SNRPN: variants seen among roughly 807,000 people sequenced by gnomAD.
SNRPN encodes small nuclear ribonucleoprotein polypeptide N, also known as small nuclear ribonucleoprotein-associated protein N.
In SNRPN, 7 loss-of-function variants were observed where a neutral mutation model predicts 25.2. That is an observed-to-expected ratio of 0.28 (90% CI 0.16 to 0.52). SNRPN has a LOEUF of 0.52. Among genes scored for constraint, SNRPN ranks in the 20% least tolerant of loss-of-function variants. SNRPN has a pLI of 0.96. For synonymous variants in SNRPN, 124 were observed against 110.6 expected (o/e 1.12, Z -0.76); for missense variants, 196 against 322.5 (o/e 0.61, Z 3.00).
intron 3 of SNRPN, among the ~76,000 whole-genome samples, chr15:24,923,674 A>C (rs940310949): frequency 3.2e-4 from 48 of 152,188 alleles, no homozygotes; most frequent in African/African-American, 1.1e-3. Flanking sequence ...GATGAATTTT[A>C]TAAACACAAA....
chr15:24,976,387 A>G lies in SNRPN; in HGVS notation c.238A>G (p.Met80Val), dbSNP rs1191278193. ...GCTGCGTGGGGAGAACTTGGTATCC[A>G]TGACTGTGGAGGGGCCACCCCCCAA... ...VLLRGENLVSMTVEGPPPKDT... is the reference protein window; with the variant it reads ...VLLRGENLVSVTVEGPPPKDT... Residue 80 changes from methionine (M) to valine (V), a missense_variant, in exon 6 of 10, where the codon ATG becomes GTG. Met to Val is a conservative substitution (Grantham distance 21). Coordinates refer to ENST00000390687, the MANE Select transcript of SNRPN (RefSeq NM_003097.6). 1 of 1,612,558 alleles carries G rather than the reference A, an allele frequency of 6.2e-7. No individual in the cohort carries two copies. The highest frequency in any genetic ancestry group is 8.5e-7 in the Non-Finnish European group (1 of 1,179,510).
At chr15:24,878,211 C>A (rs1566858772) in intron 1 of SNRPN, among the ~76,000 whole-genome samples, 3 of 152,230 alleles carry the variant, frequency 2.0e-5, no homozygotes, top group East Asian at 3.9e-4. Flanking sequence ...AGAGCTCTGG[C>A]GTATTCGCTC....
chr15:24,880,236 G>A (rs1482847560), intron 1 of SNRPN, among the ~76,000 whole-genome samples: 2 of 152,180 alleles, frequency 1.3e-5, no homozygotes, highest in Admixed American at 1.3e-4. Context: ...GGTCTGAGAG[G>A]TGGAGTAGAA....
At chr15:24,842,632 AC>A (rs2051807178) in intron 2 of SNRPN, among the ~76,000 whole-genome samples, 1 of 152,068 alleles carries the variant, frequency 6.6e-6, no homozygotes, top group South Asian at 2.1e-4. Context: ...AGAGGAACAA[AC>A]CCCAGCTCTC....
At chr15:24,872,455 T>G in intron 1 of SNRPN, among the ~76,000 whole-genome samples, 1 of 118,322 alleles carries the variant, frequency 8.5e-6, no homozygotes, top group Admixed American at 9.4e-5. Flanking sequence ...TTTTGGAAAA[T>G]ATAGTTTAGG....
intron 3 of SNRPN, among the ~76,000 whole-genome samples, chr15:24,924,921 C>T (rs1457974054): frequency 6.6e-6 from 1 of 152,146 alleles, no homozygotes; most frequent in Non-Finnish European, 1.5e-5. Flanking sequence ...TACACCCAGC[C>T]ACGTGAAAAC....
At chr15:24,944,948 G>C (rs967075300) in intron 3 of SNRPN, among the ~76,000 whole-genome samples, 2 of 152,074 alleles carry the variant, frequency 1.3e-5, no homozygotes, top group Non-Finnish European at 2.9e-5. Context: ...GAATGGATGA[G>C]GTCCACCCAT....
intron 2 of SNRPN, among the ~76,000 whole-genome samples, chr15:24,836,449 T>C (rs2051193812): frequency 6.6e-6 from 1 of 151,988 alleles, no homozygotes; most frequent in Non-Finnish European, 1.5e-5. Context: ...CTCACTTCTG[T>C]TGCCCAGGCT....
chr15:24,959,487 A>C (rs2074416095), intron 1 of SNRPN, among the ~76,000 whole-genome samples: 2 of 152,154 alleles, frequency 1.3e-5, no homozygotes, highest in Non-Finnish European at 2.9e-5. Context: ...AAGTTGAAAT[A>C]ATAGAATATT....
In SNRPN at chr15:24,875,467, G is replaced by A. The variant is rs79669169; in HGVS notation, c.-578-11049G>A. Among the ~76,000 whole-genome samples the A allele has an allele frequency of 4.3e-3, 650 of 152,234 alleles. 5 individuals carry two copies. Among genetic ancestry groups the A allele is most frequent in the African/African-American group, 0.015 (621 of 41,524 alleles). On this transcript the variant is annotated intron_variant, in intron 1 of 11. Transcript: ENST00000400097. Reference sequence around the variant, plus strand: ...AAATGCTACATTAAATCGTTTTTAAGTTCAGGTCAATGAACCATCTGGTGA... The same window carrying A: ...AAATGCTACATTAAATCGTTTTTAAATTCAGGTCAATGAACCATCTGGTGA...
intron 2 of SNRPN, among the ~76,000 whole-genome samples, chr15:24,965,025 G>A (rs527693378): frequency 2.0e-5 from 3 of 152,244 alleles, no homozygotes; most frequent in Non-Finnish European, 2.9e-5. Flanking sequence ...CCCCTTGTGC[G>A]TTTTCATTTT....
chr15:24,923,534 A>G (rs757341719), intron 3 of SNRPN, among the ~76,000 whole-genome samples: 14 of 152,316 alleles, frequency 9.2e-5, no homozygotes, highest in Admixed American at 2.6e-4. Context: ...TTAAATGTTT[A>G]TAGCAGCATT....
intron 2 of SNRPN, among the ~76,000 whole-genome samples, chr15:24,896,383 A>G (rs1472594174): frequency 6.6e-6 from 1 of 152,218 alleles, no homozygotes; most frequent in African/African-American, 2.4e-5. Context: ...GATATAGTGC[A>G]GATGTAATTA....
intron 2 of SNRPN, among the ~76,000 whole-genome samples, chr15:24,902,899 G>C (rs1227319549): frequency 1.3e-5 from 2 of 152,232 alleles, no homozygotes; most frequent in Admixed American, 6.5e-5. Context: ...AGGGACCCCA[G>C]TGGGTTGCCA....
At chr15:24,911,496 T>C (rs1182945808) in intron 2 of SNRPN, among the ~76,000 whole-genome samples, 2 of 152,204 alleles carry the variant, frequency 1.3e-5, no homozygotes, top group Admixed American at 6.5e-5. Flanking sequence ...TCACTGACTA[T>C]GCTGCCTCAT....
At chr15:24,834,694 C>G (rs1457647920) in intron 2 of SNRPN, among the ~76,000 whole-genome samples, 1 of 133,956 alleles carries the variant, frequency 7.5e-6, no homozygotes, top group Non-Finnish European at 1.6e-5. Context: ...GCACTCCAAT[C>G]TAGCTACTGA....
intron 1 of SNRPN, among the ~76,000 whole-genome samples, chr15:24,878,761 C>G (rs2056273195): frequency 6.6e-6 from 1 of 151,828 alleles, no homozygotes; most frequent in South Asian, 2.1e-4. Flanking sequence ...TTTTTGCGTT[C>G]TTTGAAAAAA....
chr15:24,859,501 CA>C (rs1487225693), intron 1 of SNRPN, among the ~76,000 whole-genome samples: 1 of 152,000 alleles, frequency 6.6e-6, no homozygotes, highest in East Asian at 1.9e-4. Flanking sequence ...AAAACAATTC[CA>C]GGGGCATTTG....
chr15:24,921,269 G>C (rs1010223540), intron 3 of SNRPN: 9 of 152,176 alleles, frequency 5.9e-5, no homozygotes, highest in Non-Finnish European at 1.2e-4. Flanking sequence ...AGCAGAGTTT[G>C]CTTGAGGTTC....
Sources: allele counts gnomAD v4.1 joint callset (sites outside exome capture counted in the v4.1 genomes callset), GRCh38; gene constraint gnomAD v4.1.1; transcripts MANE v1.5; gene names NCBI Gene and HGNC (gene_info 2026-07-23, HGNC 2026-07-21).